PAPSS2: variants seen among roughly 807,000 people sequenced by gnomAD.
PAPSS2 encodes the protein 3'-phosphoadenosine 5'-phosphosulfate synthase 2.
A neutral mutation model predicts 66.5 loss-of-function variants in PAPSS2; 61 were observed. That is an observed-to-expected ratio of 0.92 (90% CI 0.75 to 1.14). PAPSS2 has a LOEUF of 1.14. PAPSS2 is among the 50% of genes most tolerant of loss of function. PAPSS2 has a pLI of 0.00. For missense variants in PAPSS2, 708 were observed against 789.6 expected (o/e 0.90, Z 1.24); for synonymous variants, 289 against 287.5 (o/e 1.01, Z -0.05).
chr10:87,673,159 A>G (rs1477347357), intron 1 of PAPSS2, among the ~76,000 whole-genome samples: 1 of 152,228 alleles, frequency 6.6e-6, no homozygotes, highest in Non-Finnish European at 1.5e-5. Context: ...GCTGAGTACT[A>G]GCTGTACTTC....
intron 1 of PAPSS2, among the ~76,000 whole-genome samples, chr10:87,667,778 T>C (rs1564706945): frequency 6.6e-6 from 1 of 152,214 alleles, no homozygotes; most frequent in Non-Finnish European, 1.5e-5. Context: ...CCTGTGACAA[T>C]AAAGATTTTT....
intron 1 of PAPSS2, among the ~76,000 whole-genome samples, chr10:87,700,113 A>T (rs1853284610): frequency 1.3e-5 from 2 of 152,156 alleles, no homozygotes; most frequent in Admixed American, 1.3e-4. Flanking sequence ...AATCATATGG[A>T]TGTGCCATAA....
intron 3 of PAPSS2, 106 bp from the exon 4 acceptor site, chr10:87,713,938 C>A: frequency 8.6e-7 from 1 of 1,165,350 alleles, no homozygotes; most frequent in Non-Finnish European, 1.3e-6. Context: ...AAGCACAAAC[C>A]CCAGTGTTAT....
At chr10:87,686,063 A>C (rs1853084413) in intron 1 of PAPSS2, among the ~76,000 whole-genome samples, 1 of 151,832 alleles carries the variant, frequency 6.6e-6, no homozygotes, top group Admixed American at 6.5e-5. Flanking sequence ...TAGCCCAAGA[A>C]GACTAATCAT....
At chr10:87,720,644 T>C (rs538270014) in intron 7 of PAPSS2, among the ~76,000 whole-genome samples, 1 of 152,344 alleles carries the variant, frequency 6.6e-6, no homozygotes, top group South Asian at 2.1e-4. Context: ...ATTCTGACCA[T>C]GTCTCCTAAA....
chr10:87,740,549 A>G (rs1853855964), intron 9 of PAPSS2, among the ~76,000 whole-genome samples: 1 of 152,256 alleles, frequency 6.6e-6, no homozygotes, highest in Non-Finnish European at 1.5e-5. Flanking sequence ...TGGATTTTTA[A>G]TGTAACAGAG....
At chr10:87,714,713 G>A in intron 4 of PAPSS2, 32 bp from the exon 5 acceptor site, 1 of 1,145,122 alleles carries the variant, frequency 8.7e-7, no homozygotes, top group African/African-American at 1.5e-5. Flanking sequence ...TGTCAATACA[G>A]ATGCGATGAT....
Position 87,712,964 on chromosome 10 carries a change from CT to C in PAPSS2, c.146-97del, listed in dbSNP as rs112298562. The C allele has an allele frequency of 0.42, 245,724 of 589,244 alleles. 13,885 individuals carry two copies. The highest frequency in any genetic ancestry group is 0.46 in the South Asian group (23,457 of 51,010). The allele number at this position is 589,244 out of a possible 1,614,324, so 36.5% of individuals were successfully genotyped here. On this transcript the variant is annotated intron_variant, in intron 2 of 12. Coordinates refer to ENST00000456849, the MANE Select transcript of PAPSS2 (RefSeq NM_001015880.2). Reference sequence around the variant, plus strand: ...GTCAACTACACTGATTTCTTTCTTTCTTTTTTTTTTTTTTAAGATTTAGTTA... The same window carrying C: ...GTCAACTACACTGATTTCTTTCTTTCTTTTTTTTTTTTTAAGATTTAGTTA...
At chr10:87,663,879 A>C (rs965003967) in intron 1 of PAPSS2, among the ~76,000 whole-genome samples, 1 of 152,250 alleles carries the variant, frequency 6.6e-6, no homozygotes, top group African/African-American at 2.4e-5. Context: ...AAGAAAAAAC[A>C]GCACACATCA....
intron 9 of PAPSS2, among the ~76,000 whole-genome samples, chr10:87,728,758 C>A (rs1194813516): frequency 6.6e-6 from 1 of 151,874 alleles, no homozygotes; most frequent in Non-Finnish European, 1.5e-5. Flanking sequence ...AAAGAGAGGC[C>A]AGACTCAAAA....
chr10:87,698,589 T>G (rs908176262), intron 1 of PAPSS2, among the ~76,000 whole-genome samples: 10 of 152,246 alleles, frequency 6.6e-5, no homozygotes, highest in Admixed American at 6.5e-4. Context: ...GAGGCATTGT[T>G]TGCATGATAA....
intron 1 of PAPSS2, among the ~76,000 whole-genome samples, chr10:87,706,401 A>G (rs746005908): frequency 9.9e-5 from 15 of 151,772 alleles, no homozygotes; most frequent in Non-Finnish European, 1.6e-4. Flanking sequence ...AGGAAATTGA[A>G]AAAAAGGACA....
rs566074689 is a variant in PAPSS2 at position 87,721,031 on chromosome 10, G to A, written c.866-725G>A. Among the ~76,000 whole-genome samples, 5 of 152,230 alleles carry A rather than the reference G, an allele frequency of 3.3e-5. No homozygotes were observed. The South Asian group carries it at 8.3e-4, about 25-fold the overall frequency. On this transcript the variant is annotated intron_variant, in intron 7 of 12. Transcript: ENST00000456849. ...TCCATCATTTAATGGCTATTCTTCC[G>A]CAGCTCTGACTTTCCAAGGGAGGGT... is the stretch of plus-strand genomic sequence containing the variant.
intron 1 of PAPSS2, among the ~76,000 whole-genome samples, chr10:87,695,389 C>T (rs1452219402): frequency 3.3e-5 from 5 of 152,030 alleles, no homozygotes; most frequent in Admixed American, 2.0e-4. Flanking sequence ...TTTTCACAAG[C>T]GAATATAAAG....
intron 1 of PAPSS2, among the ~76,000 whole-genome samples, chr10:87,682,150 C>G (rs1853029079): frequency 6.6e-6 from 1 of 152,152 alleles, no homozygotes; most frequent in Admixed American, 6.5e-5. Flanking sequence ...AAGAATGGCA[C>G]AAGAAGTATT....
At chr10:87,685,179 T>C (rs1488557296) in intron 1 of PAPSS2, among the ~76,000 whole-genome samples, 2 of 152,194 alleles carry the variant, frequency 1.3e-5, no homozygotes, top group African/African-American at 4.8e-5. Flanking sequence ...AAAGCCAAAT[T>C]AACCCCAGAG....
intron 8 of PAPSS2, among the ~76,000 whole-genome samples, chr10:87,726,256 C>T (rs1028929166): frequency 6.6e-6 from 1 of 152,052 alleles, no homozygotes; most frequent in African/African-American, 2.4e-5. Context: ...ATGGTGAAAC[C>T]CCGTCTCTAC....
rs539493078 is a variant in PAPSS2 at position 87,682,013 on chromosome 10, G to A, written c.27+22005G>A. Reference sequence around the variant, plus strand: ...AATGGACATGAAGAATTTTTGAAGCGTGGCTAGATAAATGGTTAGCACAAG... The same window carrying A: ...AATGGACATGAAGAATTTTTGAAGCATGGCTAGATAAATGGTTAGCACAAG... On this transcript the variant is annotated intron_variant, in intron 1 of 12. Coordinates refer to ENST00000456849, the MANE Select transcript of PAPSS2 (RefSeq NM_001015880.2). Among the ~76,000 whole-genome samples, 138 of 152,308 alleles carry A rather than the reference G, an allele frequency of 9.1e-4. 2 individuals are homozygous for A. The highest frequency in any genetic ancestry group is 3.2e-3 in the African/African-American group (134 of 41,570).
intron 7 of PAPSS2, 69 bp downstream of exon 7, chr10:87,715,912 G>T: frequency 9.9e-7 from 1 of 1,006,068 alleles, no homozygotes; most frequent in Non-Finnish European, 1.6e-6. Flanking sequence ...CAGAAGTTTT[G>T]CAGGAACAGG....
Sources: gnomAD v4.1 joint callset for allele counts (sites outside exome capture counted in the v4.1 genomes callset) on GRCh38, gnomAD v4.1.1 for gene constraint, MANE v1.5 for transcripts, NCBI Gene and HGNC (gene_info 2026-07-23, HGNC 2026-07-21) for gene names.